The following GLIS3 variants were observed in gnomAD, a reference collection of about 807,000 sequenced individuals.
GLIS3 encodes the protein zinc finger protein GLIS3.
GLIS3 carries 53 observed loss-of-function variants against 78.6 expected under a neutral mutation model. The observed-to-expected ratio is 0.67, with a 90% CI of 0.54 to 0.85. The LOEUF is 0.85. GLIS3 is among the 40% of genes least tolerant of loss of function. The pLI, the probability that GLIS3 is intolerant of heterozygous loss-of-function variation, is 0.00. For synonymous variants in GLIS3, 684 were observed against 509.9 expected (o/e 1.34, Z -4.60); for missense variants, 1,703 against 1,231.1 (o/e 1.38, Z -5.74).
chr9:4,084,256 A>AACACACACACACACACACACACACAC (rs370384726), intron 4 of GLIS3, among the ~76,000 whole-genome samples: 19 of 132,204 alleles, frequency 1.4e-4, no homozygotes, highest in Middle Eastern at 3.9e-3. Flanking sequence ...TCCTCTCTCT[A>AACACACACACACACACACACACACAC]ACACACACAC....
chr9:4,055,148 TGAACAGTGCAACTGGG>T (rs1826041519), intron 4 of GLIS3, among the ~76,000 whole-genome samples: 1 of 152,228 alleles, frequency 6.6e-6, no homozygotes, highest in African/African-American at 2.4e-5. Context: ...GAACCAAGAA[TGAACAGTGCAACTGGG>T]GCTCCTTGCT....
chr9:3,899,046 G>C (rs549440813), intron 6 of GLIS3: 2 of 622,774 alleles, frequency 3.2e-6, no homozygotes, highest in African/African-American at 1.8e-5. Context: ...GGAAAAATGT[G>C]GCTAGAGGCG....
intron 6 of GLIS3, among the ~76,000 whole-genome samples, chr9:3,926,908 A>T (rs1198089008): frequency 6.6e-6 from 1 of 152,204 alleles, no homozygotes; most frequent in East Asian, 1.9e-4. Context: ...TACAGGCGTG[A>T]GCCATTGGGC....
chr9:3,860,514 G>A (rs1303460917), intron 8 of GLIS3, among the ~76,000 whole-genome samples: 2 of 152,036 alleles, frequency 1.3e-5, no homozygotes, highest in South Asian at 4.1e-4. Flanking sequence ...AACTTAGATT[G>A]TTTCTCATAT....
chr9:4,321,468 G>A (rs1817527941), intron 2 of GLIS3, among the ~76,000 whole-genome samples: 3 of 91,862 alleles, frequency 3.3e-5, no homozygotes, highest in African/African-American at 3.3e-5. Flanking sequence ...AAAAAATCAG[G>A]TGCCTAGAAC....
At chr9:4,225,083 T>C (rs1360316836) in intron 2 of GLIS3, among the ~76,000 whole-genome samples, 1 of 151,978 alleles carries the variant, frequency 6.6e-6, no homozygotes, top group Non-Finnish European at 1.5e-5. Context: ...AAGCAGGCAT[T>C]ATTACGGCTG....
At chr9:4,054,308 C>T (rs1283527396) in intron 4 of GLIS3, 1 of 982,782 alleles carries the variant, frequency 1.0e-6, no homozygotes, top group African/African-American at 1.7e-5. Context: ...ACGTACTCTA[C>T]AGATGTTTCC....
chr9:4,004,274 G>A (rs564689185), intron 4 of GLIS3, among the ~76,000 whole-genome samples: 1 of 152,268 alleles, frequency 6.6e-6, no homozygotes, highest in African/African-American at 2.4e-5. Context: ...AGGTAAACAA[G>A]AAAAAGACTC....
chr9:4,454,150 T>TAAAAA, the GLIS3 span, among the ~76,000 whole-genome samples: 3 of 128,854 alleles, frequency 2.3e-5, no homozygotes, highest in East Asian at 2.2e-4. Flanking sequence ...TATATGATGA[T>TAAAAA]AAAAAAAAAA....
At chr9:4,410,876 G>A in the GLIS3 span, among the ~76,000 whole-genome samples, 2 of 152,112 alleles carry the variant, frequency 1.3e-5, no homozygotes, top group Non-Finnish European at 2.9e-5. Flanking sequence ...TTAGCCACCA[G>A]GAAGGTCAAT....
Position 3,879,547 on chromosome 9 carries a change from C to G in GLIS3, c.2177G>C (p.Gly726Ala). The G allele has an allele frequency of 6.2e-7, 1 of 1,614,040 alleles. No individual in the cohort carries two copies. The highest frequency in any genetic ancestry group is 8.5e-7 in the Non-Finnish European group (1 of 1,179,998). Residue 726 changes from glycine to alanine, a missense_variant, in exon 8 of 11, where the codon GGG becomes GCG. By Grantham distance (60) the Gly-to-Ala change is moderately conservative (BLOSUM62 0). Transcript: ENST00000381971. ...NYSSRSGTAAGAVPPPHPVSH... is the reference protein window; with the variant it reads ...NYSSRSGTAAAAVPPPHPVSH... ...GACAGGATGTGGGGGTGGTACGGCC[C>G]CAGCAGCTGTTCCACTTCGGCTTGA...
intron 4 of GLIS3, among the ~76,000 whole-genome samples, chr9:4,051,118 C>T (rs190372646): frequency 6.6e-6 from 1 of 152,300 alleles, no homozygotes; most frequent in East Asian, 1.9e-4. Flanking sequence ...GTTCTCCCAG[C>T]CCCTAAAGAA....
chr9:4,487,711 A>G, the GLIS3 span, among the ~76,000 whole-genome samples: 1 of 151,302 alleles, frequency 6.6e-6, no homozygotes, highest in Non-Finnish European at 1.5e-5. Flanking sequence ...TTAAATAGAT[A>G]GAGTCTCGCT....
the GLIS3 span, among the ~76,000 whole-genome samples, chr9:4,371,499 T>C: frequency 6.6e-6 from 1 of 152,174 alleles, no homozygotes; most frequent in Non-Finnish European, 1.5e-5. Flanking sequence ...TGTTCACAAA[T>C]CCTGGCCCAG....
intron 4 of GLIS3, among the ~76,000 whole-genome samples, chr9:4,097,683 T>C (rs1001225898): frequency 1.3e-5 from 2 of 152,236 alleles, no homozygotes; most frequent in African/African-American, 4.8e-5. Context: ...TGCAGTGCTA[T>C]TGTTGTTGAA....
At chr9:4,257,660 G>A (rs1190774143) in intron 2 of GLIS3, among the ~76,000 whole-genome samples, 22 of 151,884 alleles carry the variant, frequency 1.4e-4, no homozygotes, top group South Asian at 6.3e-4. Context: ...TGCAAGCTCC[G>A]CCTCCCGGGT....
intron 2 of GLIS3, among the ~76,000 whole-genome samples, chr9:4,166,747 G>T (rs1008241201): frequency 6.6e-6 from 1 of 152,224 alleles, no homozygotes; most frequent in Non-Finnish European, 1.5e-5. Context: ...AGGCATAAGT[G>T]AACAGAGGGT....
At chr9:3,890,785 A>G (rs1822381926) in intron 7 of GLIS3, among the ~76,000 whole-genome samples, 1 of 152,096 alleles carries the variant, frequency 6.6e-6, no homozygotes, top group South Asian at 2.1e-4. Flanking sequence ...AAACCCACCA[A>G]CAACACTACT....
the GLIS3 span, among the ~76,000 whole-genome samples, chr9:4,464,639 C>T: frequency 6.6e-6 from 1 of 152,180 alleles, no homozygotes; most frequent in Non-Finnish European, 1.5e-5. Context: ...AAGTGATCCA[C>T]CTCCTTTGGC....
Sources: gnomAD v4.1 joint callset for allele counts (sites outside exome capture counted in the v4.1 genomes callset) on GRCh38, gnomAD v4.1.1 for gene constraint, MANE v1.5 for transcripts, NCBI Gene and HGNC (gene_info 2026-07-23, HGNC 2026-07-21) for gene names.